MYO15A: variants seen among roughly 807,000 people sequenced by gnomAD.
MYO15A encodes myosin XVA, also known as unconventional myosin-XV.
Under a neutral mutation model 394.6 loss-of-function variants are expected in MYO15A, and 308 were observed. That is an observed-to-expected ratio of 0.78 (90% confidence interval 0.71 to 0.86). The LOEUF (loss-of-function observed/expected upper bound fraction) is 0.86, where lower values mean the gene tolerates loss of function less well. MYO15A is among the 40% of genes least tolerant of loss of function. The pLI, the probability that MYO15A is intolerant of heterozygous loss-of-function variation, is 0.00. For synonymous variants in MYO15A, 1,957 were observed against 2,003.8 expected, an observed-to-expected ratio of 0.98 and a Z score of 0.62; for missense variants, 4,606 against 4,799.1, an observed-to-expected ratio of 0.96 and a Z score of 1.19.
intron 12 of MYO15A, among the ~76,000 whole-genome samples, chr17:18,134,295 GT>G (rs1158558222): frequency 6.6e-6 from 1 of 152,122 alleles, no homozygotes; most frequent in Non-Finnish European, 1.5e-5. Flanking sequence ...GGCCTGTTGG[GT>G]TTTTTATGCA....
At position 18,132,510 on chromosome 17, in the gene MYO15A, C is replaced by T; in HGVS notation, c.4264C>T (p.Gln1422Ter). Residue 1422 changes from glutamine (Q) to a stop codon, truncating the protein, a stop_gained, in exon 11 of 66, where the codon CAG becomes TAG. Transcript: ENST00000647165. LOFTEE classifies it high-confidence loss of function. The surrounding 1 kb of genome is among the most constrained non-coding windows in gnomAD (Gnocchi z 4.6). ...CGAGTTGCTGGCCGGGTTGCCTGCC[C>T]AGCTCAGGCAGGCCTTTAGCCTGCA... ...FYELLAGLPA[Q>*]LRQAFSLQEA... 1 of 1,613,772 alleles carries T rather than the reference C, an allele frequency of 6.2e-7. No homozygotes were observed. The highest frequency in any genetic ancestry group is 8.5e-7 in the Non-Finnish European group (1 of 1,180,040).
rs1308769802 is a variant in MYO15A at position 18,173,596 on chromosome 17, T to C, written c.10351-185T>C. 6 of 717,348 alleles carry C rather than the reference T, an allele frequency of 8.4e-6. No individual in the cohort carries two copies. The East Asian group carries it at 1.6e-4, about 20-fold the overall frequency. The allele number at this position is 717,348 out of a possible 1,614,324, so 44.4% of individuals were successfully genotyped here. On this transcript the variant is annotated intron_variant, in intron 64 of 65. Transcript: ENST00000647165. ...GTATTTGTTGAATCAATTTTATAGGTGAGGAAACTGAGGTCCAGAGAGGTA... is the reference window on the plus strand; with the variant it reads ...GTATTTGTTGAATCAATTTTATAGGCGAGGAAACTGAGGTCCAGAGAGGTA...
chr17:18,120,382 G>T lies in MYO15A; in HGVS notation c.1582G>T (p.Gly528Cys). Reference protein sequence around the residue: ...ELPPVSAVPYGHPFWGFLTPR... With the variant: ...ELPPVSAVPYCHPFWGFLTPR... ...GCCCCCGGTTTCCGCTGTGCCCTAC[G>T]GCCACCCTTTCTGGGGCTTCCTCAC... Residue 528 changes from glycine (G) to cysteine (C), a missense_variant, in exon 2 of 66, where the codon GGC becomes TGC. Physicochemically the swap from Gly to Cys is radical, Grantham distance 159. This residue lies in a region of MYO15A where 1,830 missense variants were observed against 1,689.7 expected (regional missense o/e 1.08). Coordinates refer to ENST00000647165, the MANE Select transcript of MYO15A (RefSeq NM_016239.4). 6.2e-7 allele frequency: 1 copy of T among 1,611,354 alleles called. No individual in the cohort carries two copies. Among genetic ancestry groups the T allele is most frequent in the Non-Finnish European group, 8.5e-7 (1 of 1,179,760 alleles).
Position 18,150,671 on chromosome 17 carries a change from T to A in MYO15A, c.7328-27T>A, listed in dbSNP as rs1459102602. ...AGGGAGGAGGGCATCTCCGGTGCCA[T>A]CTGTGCCTTCTGCCCCCTCCCCTCA... On this transcript the variant is annotated intron_variant, in intron 36 of 65. Coordinates refer to ENST00000647165, the MANE Select transcript of MYO15A (RefSeq NM_016239.4). This position sits in a 1 kb window ranked among gnomAD's most constrained non-coding sequence, Gnocchi z 4.4. 1 of 1,590,388 alleles carries A rather than the reference T, an allele frequency of 6.3e-7. No individual in the cohort carries two copies. Among genetic ancestry groups the A allele is most frequent in the Non-Finnish European group, 8.6e-7 (1 of 1,167,038 alleles).
rs764096773 is a variant in MYO15A at position 18,143,762 on chromosome 17, G to A, written c.6012G>A (p.Pro2004=). 4.1e-5 allele frequency: 66 copies of A among 1,594,178 alleles called. No individual in the cohort carries two copies. The highest frequency in any genetic ancestry group is 2.6e-4 in the Admixed American group (15 of 56,888). ...EVVAVGHLEV[P]AELAGLLQAV... ...TCGCTGTGGGGCACCTGGAGGTACC[G>A]GCTGAGCTGGCTGGGCTCTTGCAAG... Residue 2004 remains proline, a synonymous_variant, in exon 27 of 66, where the codon CCG becomes CCA. Transcript: ENST00000647165.
intron 56 of MYO15A, chr17:18,161,113 G>C (rs1400801836): frequency 2.4e-6 from 2 of 823,614 alleles, no homozygotes; most frequent in African/African-American, 3.4e-5. Flanking sequence ...AAGATGTCTG[G>C]GGCCCCATCC....
Position 18,150,789 on chromosome 17 carries a change from G to T in MYO15A, c.7395+24G>T. The T allele has an allele frequency of 6.3e-7, 1 of 1,582,058 alleles. No individual in the cohort carries two copies. The highest frequency in any genetic ancestry group is 8.6e-7 in the Non-Finnish European group (1 of 1,163,216). ...TGGTGAGTGAGGGAGGGACTGCTGG[G>T]GGGTGGAGAATGGACCTGCCTGGTC... On this transcript the variant is annotated intron_variant, in intron 37 of 65. Coordinates refer to ENST00000647165, the MANE Select transcript of MYO15A (RefSeq NM_016239.4). The surrounding 1 kb of genome is among the most constrained non-coding windows in gnomAD (Gnocchi z 4.4).
In MYO15A at chr17:18,143,727, C is replaced by A. The variant is rs759663463; in HGVS notation, c.5977C>A (p.Arg1993=). The A allele has an allele frequency of 6.3e-7, 1 of 1,597,392 alleles. No homozygotes were observed. Among genetic ancestry groups the A allele is most frequent in the Non-Finnish European group, 8.5e-7 (1 of 1,172,612 alleles). Residue 1993 remains arginine, a synonymous_variant, in exon 27 of 66, where the codon CGG becomes AGG. Transcript: ENST00000647165. ...LLWEQEELSK[R]EVVAVGHLEV... The stretch of plus-strand genomic sequence containing the variant: ...ACTGTCCCTCTAGGAGCTGAGCAAG[C>A]GGGAGGTAGTCGCTGTGGGGCACCT...
At position 18,150,404 on chromosome 17, in the gene MYO15A, C is replaced by T; in HGVS notation, c.7213-25C>T. ...CTTGGGAGTACAATAATGAGATGGTCACTTGAGCCACCCACTGCCCCCAGG... is the reference window on the plus strand; with the variant it reads ...CTTGGGAGTACAATAATGAGATGGTTACTTGAGCCACCCACTGCCCCCAGG... On this transcript the variant is annotated intron_variant, in intron 35 of 65. Coordinates refer to ENST00000647165, the MANE Select transcript of MYO15A (RefSeq NM_016239.4). The surrounding 1 kb of genome is among the most constrained non-coding windows in gnomAD (Gnocchi z 4.4). 6.2e-7 allele frequency: 1 copy of T among 1,601,884 alleles called. No homozygotes were observed. The highest frequency in any genetic ancestry group is 8.6e-7 in the Non-Finnish European group (1 of 1,169,110).
At chr17:18,112,180 C>T (rs527311240) in intron 1 of MYO15A, among the ~76,000 whole-genome samples, 1 of 151,564 alleles carries the variant, frequency 6.6e-6, no homozygotes, top group South Asian at 2.1e-4. Context: ...GCTCTTGGGC[C>T]TGAAGGGCCA....
intron 1 of MYO15A, among the ~76,000 whole-genome samples, chr17:18,116,961 C>A (rs1295920866): frequency 1.8e-4 from 28 of 152,030 alleles, no homozygotes; most frequent in Non-Finnish European, 5.9e-5. Flanking sequence ...TGCCCCTGTC[C>A]TTCATTTTTC....
chr17:18,119,520 C>T lies in MYO15A; in HGVS notation c.720C>T (p.Arg240=), dbSNP rs1336796124. ...QDLGEYYDYH[R]DGDDYYDRQS... Reference sequence around the variant, plus strand: ...TGGGCGAGTATTATGACTATCACCGCGACGGCGACGACTACTACGACCGGC... The same window carrying T: ...TGGGCGAGTATTATGACTATCACCGTGACGGCGACGACTACTACGACCGGC... The change falls in exon 2 of 66, where the codon CGC becomes CGT. Residue 240 remains arginine (R), a synonymous_variant. Transcript: ENST00000647165. The T allele has an allele frequency of 1.9e-6, 3 of 1,610,586 alleles. No homozygotes were observed. Among genetic ancestry groups the T allele is most frequent in the Non-Finnish European group, 8.5e-7 (1 of 1,179,968 alleles).
intron 12 of MYO15A, among the ~76,000 whole-genome samples, chr17:18,134,024 CCT>C (rs1346869755): frequency 6.6e-6 from 1 of 151,222 alleles, no homozygotes; most frequent in African/African-American, 2.4e-5. Flanking sequence ...GGAGTCTCGC[CCT>C]GTCGCCAGGC....
At chr17:18,175,917 G>T (rs1420311690) in intron 65 of MYO15A, among the ~76,000 whole-genome samples, 2 of 151,906 alleles carry the variant, frequency 1.3e-5, no homozygotes, top group Admixed American at 6.6e-5. Context: ...GCTCCCTTGT[G>T]CTGAGCTTGT....
chr17:18,172,538 A>G (rs902574413), intron 64 of MYO15A: 1 of 581,700 alleles, frequency 1.7e-6, no homozygotes, highest in East Asian at 3.1e-5. Context: ...TATGCACTCA[A>G]ATAGTACATC....
In MYO15A at chr17:18,145,817, G is replaced by C; in HGVS notation, c.6274-55G>C. On this transcript the variant is annotated intron_variant, in intron 29 of 65. Transcript: ENST00000647165. ...TGAGAGGGATGCATGTTGTGGGGTG[G>C]GGACTGGAAGGAACAACTTTCTGAG... 4 of 1,536,938 alleles carry C rather than the reference G, an allele frequency of 2.6e-6. No individual in the cohort carries two copies. In the South Asian group the frequency reaches 4.6e-5, roughly 18 times the overall value.
chr17:18,129,779 T>A (rs1048832383), intron 7 of MYO15A, among the ~76,000 whole-genome samples: 1 of 152,258 alleles, frequency 6.6e-6, no homozygotes, highest in African/African-American at 2.4e-5. Context: ...CAGGGCAATG[T>A]GTCTGGCACA....
intron 1 of MYO15A, among the ~76,000 whole-genome samples, chr17:18,111,065 A>C (rs1213184170): frequency 2.6e-5 from 4 of 152,198 alleles, no homozygotes; most frequent in Non-Finnish European, 5.9e-5. Flanking sequence ...CAGGATGGGC[A>C]CAGTGGATCA....
intron 8 of MYO15A, 142 bp downstream of exon 8, chr17:18,130,952 C>A: frequency 1.0e-6 from 1 of 974,816 alleles, no homozygotes; most frequent in Non-Finnish European, 1.5e-6. Context: ...AAAGGCCTGT[C>A]CTAGGCAGGG....
Sources: allele counts gnomAD v4.1 joint callset (sites outside exome capture counted in the v4.1 genomes callset), GRCh38; gene constraint gnomAD v4.1.1; regional missense constraint gnomAD v4.1.1; non-coding constraint Gnocchi (gnomAD v3.1); transcripts MANE v1.5; gene names NCBI Gene and HGNC (gene_info 2026-07-23, HGNC 2026-07-21).